EPB41L2: variants seen among roughly 807,000 people sequenced by gnomAD.
EPB41L2 encodes erythrocyte membrane protein band 4.1 like 2.
EPB41L2 carries 43 observed loss-of-function variants against 113.0 expected under a neutral mutation model. The ratio of observed to expected loss-of-function variants is 0.38; its 90% CI spans 0.30 to 0.49. EPB41L2 has a LOEUF of 0.49. EPB41L2 is among the 20% of genes least tolerant of loss of function. The probability of loss-of-function intolerance (pLI) is 0.95; values close to 1 mark genes in which losing one functional copy is unlikely to be tolerated. For synonymous variants in EPB41L2, 442 were observed against 436.7 expected (o/e 1.01, Z -0.15); for missense variants, 1,147 against 1,223.4 (o/e 0.94, Z 0.93).
intron 1 of EPB41L2, among the ~76,000 whole-genome samples, chr6:131,046,961 A>G (rs1795585984): frequency 6.6e-6 from 1 of 152,154 alleles, no homozygotes. Flanking sequence ...GACGTCGTTT[A>G]CATATTCTTA....
At chr6:130,849,526 C>G (rs1398754439) in intron 19 of EPB41L2, among the ~76,000 whole-genome samples, 1 of 152,132 alleles carries the variant, frequency 6.6e-6, no homozygotes, top group Non-Finnish European at 1.5e-5. Context: ...ACCGTGAAAA[C>G]TGAGGGATAA....
At chr6:130,929,478 G>A (rs1392627733) in intron 3 of EPB41L2, among the ~76,000 whole-genome samples, 1 of 152,166 alleles carries the variant, frequency 6.6e-6, no homozygotes, top group Non-Finnish European at 1.5e-5. Context: ...CGATATGACT[G>A]CTGGTTACCC....
chr6:131,046,075 C>A (rs1275542583), intron 1 of EPB41L2, among the ~76,000 whole-genome samples: 2 of 132,148 alleles, frequency 1.5e-5, no homozygotes, highest in African/African-American at 5.5e-5. Flanking sequence ...GTCTCCGAAG[C>A]TAATTTTTTT....
intron 1 of EPB41L2, among the ~76,000 whole-genome samples, chr6:131,046,516 T>G (rs930221301): frequency 6.6e-6 from 1 of 152,190 alleles, no homozygotes; most frequent in Admixed American, 6.5e-5. Context: ...GATAAACACC[T>G]ACAAAAGTCT....
intron 1 of EPB41L2, among the ~76,000 whole-genome samples, chr6:130,963,716 AT>A (rs1285811746): frequency 1.5e-4 from 23 of 152,226 alleles, no homozygotes; most frequent in Non-Finnish European, 1.0e-4. Context: ...AATAGATACG[AT>A]TTCCTGAAGT....
chr6:130,938,510 A>G (rs976103401), intron 3 of EPB41L2, among the ~76,000 whole-genome samples: 9 of 152,174 alleles, frequency 5.9e-5, no homozygotes, highest in African/African-American at 2.2e-4. Flanking sequence ...TAAGGAGGAA[A>G]CTCTGAGGCA....
At chr6:130,869,515 C>T (rs945310107) in intron 15 of EPB41L2, 48 bp downstream of exon 15, 2 of 1,541,218 alleles carry the variant, frequency 1.3e-6, no homozygotes, top group African/African-American at 1.4e-5. Flanking sequence ...AGTTCCCCAT[C>T]TGAGAAGCAG....
At chr6:130,999,396 C>G (rs1216764006) in intron 1 of EPB41L2, among the ~76,000 whole-genome samples, 1 of 152,190 alleles carries the variant, frequency 6.6e-6, no homozygotes, top group East Asian at 1.9e-4. Context: ...TCAAACCATT[C>G]TAGGCATTAT....
intron 3 of EPB41L2, among the ~76,000 whole-genome samples, chr6:130,945,903 G>C (rs1812648387): frequency 6.6e-6 from 1 of 152,062 alleles, no homozygotes; most frequent in South Asian, 2.1e-4. Context: ...ATCATAAAGA[G>C]TGCTAGAGTC....
intron 2 of EPB41L2, 71 bp downstream of exon 2, chr6:130,955,922 AC>A: frequency 6.5e-7 from 1 of 1,533,458 alleles, no homozygotes; most frequent in Non-Finnish European, 8.7e-7. Context: ...ATGATCCAAA[AC>A]AAACAAACCC....
intron 1 of EPB41L2, among the ~76,000 whole-genome samples, chr6:131,029,901 T>C (rs1791740362): frequency 6.6e-6 from 1 of 151,956 alleles, no homozygotes; most frequent in African/African-American, 2.4e-5. Flanking sequence ...TTCTCTTTTT[T>C]TCTTTTTTTT....
chr6:130,852,868 A>G (rs1176908884), intron 19 of EPB41L2, among the ~76,000 whole-genome samples: 2 of 152,114 alleles, frequency 1.3e-5, no homozygotes, highest in Non-Finnish European at 2.9e-5. Context: ...ATCAGGTTCA[A>G]TGCTTCCAAT....
At position 130,872,485 on chromosome 6, in the gene EPB41L2, A is replaced by C. The variant is rs762469132; in HGVS notation, c.2044-2359T>G. 3.9e-5 allele frequency: 50 copies of C among 1,289,250 alleles called. No homozygotes were observed. In the South Asian group the frequency reaches 5.6e-4, roughly 14 times the overall value. 79.9% of individuals were successfully genotyped at this position (1,289,250 alleles called of 1,614,324 possible). A position where few individuals can be genotyped will look rare whatever the true frequency, so the allele number is the denominator to read the frequency against. On this transcript the variant is annotated intron_variant, in intron 14 of 19. Coordinates refer to ENST00000337057, the MANE Select transcript of EPB41L2 (RefSeq NM_001431.4). ...CTGAAGTGAAGGTGGCTTTCATGCT[A>C]TCAGAAAAGCCCTTTTCACTAAACA...
At chr6:130,872,659 GA>G in intron 14 of EPB41L2, 2 of 625,620 alleles carry the variant, frequency 3.2e-6, no homozygotes, top group East Asian at 1.6e-4. Flanking sequence ...TAAAATGAAA[GA>G]AAAGATGAGA....
chr6:130,923,302 T>C (rs1361794059), intron 4 of EPB41L2, among the ~76,000 whole-genome samples: 1 of 152,218 alleles, frequency 6.6e-6, no homozygotes, highest in Non-Finnish European at 1.5e-5. Flanking sequence ...GTGACCTTTT[T>C]AAAGACAAAA....
At chr6:130,908,592 G>C (rs1194534693) in intron 5 of EPB41L2, among the ~76,000 whole-genome samples, 1 of 152,142 alleles carries the variant, frequency 6.6e-6, no homozygotes, top group Non-Finnish European at 1.5e-5. Flanking sequence ...TTACTTGGTA[G>C]GACATTCTGA....
rs138786873 is a variant in EPB41L2 at position 131,012,097 on chromosome 6, C to T, written c.-15+51058G>A. ...GCACGCACCTGTAGTCCCAGCTACT[C>T]GGGAGGCTGAGGCATGAGAATCACT... On this transcript the variant is annotated intron_variant, in intron 1 of 19. Coordinates refer to ENST00000337057, the MANE Select transcript of EPB41L2 (RefSeq NM_001431.4). Among the ~76,000 whole-genome samples the T allele has an allele frequency of 8.6e-3, 1,307 of 151,928 alleles. 10 individuals are homozygous for T. The highest frequency in any genetic ancestry group is 0.021 in the South Asian group (101 of 4,776).
chr6:130,952,558 G>GGA (rs1815548915), intron 3 of EPB41L2, among the ~76,000 whole-genome samples: 1 of 152,124 alleles, frequency 6.6e-6, no homozygotes, highest in Non-Finnish European at 1.5e-5. Flanking sequence ...CTAAAACACT[G>GGA]TAATCCCAGC....
At chr6:130,954,620 AAGATT>A (rs1453154117) in intron 3 of EPB41L2, among the ~76,000 whole-genome samples, 1 of 152,214 alleles carries the variant, frequency 6.6e-6, no homozygotes, top group Non-Finnish European at 1.5e-5. Flanking sequence ...GATGCGTTAA[AAGATT>A]AAAGTGACTT....
Sources: gnomAD v4.1 joint callset for allele counts (sites outside exome capture counted in the v4.1 genomes callset) on GRCh38, gnomAD v4.1.1 for gene constraint, MANE v1.5 for transcripts, NCBI Gene and HGNC (gene_info 2026-07-23, HGNC 2026-07-21) for gene names.